Variants in HSD17B12 observed in about 807,000 individuals in gnomAD.
HSD17B12 encodes hydroxysteroid 17-beta dehydrogenase 12.
In HSD17B12, 32 loss-of-function variants were observed where a neutral mutation model predicts 39.3. The observed-to-expected ratio is 0.81, with a 90% CI of 0.61 to 1.09. HSD17B12 has a LOEUF of 1.09. Among genes scored for constraint, HSD17B12 ranks in the 50% least tolerant of loss-of-function variants. The probability of loss-of-function intolerance (pLI) is 0.00; values close to 1 mark genes in which losing one functional copy is unlikely to be tolerated. For synonymous variants in HSD17B12, 150 were observed against 146.7 expected, an observed-to-expected ratio of 1.02 and a Z score of -0.16; for missense variants, 342 against 382.9, an observed-to-expected ratio of 0.89 and a Z score of 0.89.
At chr11:43,724,904 A>G (rs1308430391) in intron 1 of HSD17B12, among the ~76,000 whole-genome samples, 1 of 152,124 alleles carries the variant, frequency 6.6e-6, no homozygotes, top group Non-Finnish European at 1.5e-5. Context: ...GAATATAGTA[A>G]TTTTTTAACA....
rs565751656 is a variant in HSD17B12, at chr11:43,758,473, A to C, written c.283+4352A>C. 2.0e-5 allele frequency among the ~76,000 whole-genome samples: 3 copies of C among 152,276 alleles called. No individual in the cohort carries two copies. In the South Asian group the frequency reaches 6.2e-4, roughly 32 times the overall value. On this transcript the variant is annotated intron_variant, in intron 3 of 10. Transcript: ENST00000278353. ...AAATCTCAGGGTCACACTTTTTCTC[A>C]TTCAGTGCTTTCAAATGAGACTAGG...
At chr11:43,760,837 T>A (rs1346395663) in intron 3 of HSD17B12, among the ~76,000 whole-genome samples, 2 of 152,208 alleles carry the variant, frequency 1.3e-5, no homozygotes, top group African/African-American at 4.8e-5. Flanking sequence ...AGAGAGTTAA[T>A]CTCATATAGC....
At chr11:43,774,183 A>G (rs916876365) in intron 3 of HSD17B12, among the ~76,000 whole-genome samples, 2 of 152,156 alleles carry the variant, frequency 1.3e-5, no homozygotes, top group African/African-American at 4.8e-5. Context: ...AAGAATTTTT[A>G]AAGAAAACCA....
chr11:43,816,483 T>G (rs1951124146), intron 6 of HSD17B12, 92 bp downstream of exon 6: 2 of 1,088,862 alleles, frequency 1.8e-6, no homozygotes, highest in Non-Finnish European at 2.5e-6. Context: ...GAGTCTACTC[T>G]TGTTTAGATG....
the HSD17B12 span, among the ~76,000 whole-genome samples, chr11:43,672,684 G>A: frequency 1.3e-5 from 2 of 152,034 alleles, no homozygotes; most frequent in Non-Finnish European, 2.9e-5. Context: ...GGGATTACAG[G>A]CGCCTGCCAC....
In HSD17B12 at chr11:43,855,144, G is replaced by T. The variant is rs1356800028; in HGVS notation, c.835G>T (p.Gly279Cys). Residue 279 changes from glycine (G) to cysteine (C), a missense_variant and splice_region_variant, in exon 11 of 11, where the codon GGC becomes TGC. By Grantham distance (159) the Gly-to-Cys change is radical. Transcript: ENST00000278353. ...TNGYLIHALMGSIISNLPSWI... is the reference protein window; with the variant it reads ...TNGYLIHALMCSIISNLPSWI... Reference sequence around the variant, plus strand: ...TATCTCTCTCATTCTGTTTCCCTAGGGCTCGATAATCTCAAACCTGCCTTC... The same window carrying T: ...TATCTCTCTCATTCTGTTTCCCTAGTGCTCGATAATCTCAAACCTGCCTTC... 6.3e-7 allele frequency: 1 copy of T among 1,587,994 alleles called. No homozygotes were observed. Among genetic ancestry groups the T allele is most frequent in the Non-Finnish European group, 8.6e-7 (1 of 1,159,872 alleles).
chr11:43,680,570 C>T, upstream of HSD17B12: 1 of 501,138 alleles, frequency 2.0e-6, no homozygotes, highest in South Asian at 2.2e-5. Context: ...TGGCGGAACC[C>T]CGGGGGACGC....
chr11:43,695,671 G>GTCT (rs10687930), intron 1 of HSD17B12, among the ~76,000 whole-genome samples: 58,836 of 149,540 alleles, frequency 0.39, 11,756 homozygotes, highest in African/African-American at 0.43. Flanking sequence ...GTTCTAATTA[G>GTCT]TCTTCTTCTT....
chr11:43,585,401 T>C, the HSD17B12 span, among the ~76,000 whole-genome samples: 1 of 152,160 alleles, frequency 6.6e-6, no homozygotes, highest in Admixed American at 6.5e-5. Context: ...TGCCTAATCC[T>C]TGGAGGTCAT....
the HSD17B12 span, among the ~76,000 whole-genome samples, chr11:43,649,914 G>T: frequency 6.6e-6 from 1 of 152,168 alleles, no homozygotes. Flanking sequence ...TGGAGGATGC[G>T]ACATCAAGTG....
chr11:43,601,317 T>TTG, the HSD17B12 span, among the ~76,000 whole-genome samples: 16 of 150,734 alleles, frequency 1.1e-4, no homozygotes, highest in South Asian at 2.1e-4. Flanking sequence ...CATGCTGCGT[T>TTG]TGTGTGTGTG....
chr11:43,677,427 A>C (rs1467704082), upstream of HSD17B12, among the ~76,000 whole-genome samples: 2 of 152,170 alleles, frequency 1.3e-5, no homozygotes, highest in East Asian at 1.9e-4. Context: ...AGTGTGAAGC[A>C]CTTTATTGTT....
At chr11:43,708,610 T>C (rs1950036952) in intron 1 of HSD17B12, among the ~76,000 whole-genome samples, 2 of 152,228 alleles carry the variant, frequency 1.3e-5, no homozygotes, top group Admixed American at 6.5e-5. Flanking sequence ...CATGGAGATG[T>C]CTTACTGGGA....
the HSD17B12 span, chr11:43,670,169 T>C: frequency 6.6e-6 from 1 of 152,140 alleles, no homozygotes; most frequent in African/African-American, 2.4e-5. Context: ...CATCCAGTCA[T>C]TGGATGTAGG....
chr11:43,703,693 A>G (rs1474604983), intron 1 of HSD17B12, among the ~76,000 whole-genome samples: 2 of 152,048 alleles, frequency 1.3e-5, no homozygotes. Flanking sequence ...AGATCTTCCA[A>G]TTTATTGGCA....
At chr11:43,754,565 G>C (rs1950493300) in intron 3 of HSD17B12, among the ~76,000 whole-genome samples, 2 of 152,160 alleles carry the variant, frequency 1.3e-5, no homozygotes, top group Non-Finnish European at 2.9e-5. Context: ...GACAGAGTGA[G>C]ACTCCATCTC....
At chr11:43,690,831 A>G (rs912653193) in intron 1 of HSD17B12, among the ~76,000 whole-genome samples, 5 of 152,078 alleles carry the variant, frequency 3.3e-5, no homozygotes, top group South Asian at 2.1e-4. Flanking sequence ...TATAGATTGG[A>G]AATACTGATT....
chr11:43,696,514 C>T (rs552616147), intron 1 of HSD17B12, among the ~76,000 whole-genome samples: 57 of 152,274 alleles, frequency 3.7e-4, no homozygotes, highest in Non-Finnish European at 6.5e-4. Context: ...AGTCAAGAAA[C>T]GATAGATGCT....
intron 3 of HSD17B12, among the ~76,000 whole-genome samples, chr11:43,780,226 C>T (rs573864154): frequency 1.5e-4 from 23 of 152,068 alleles, no homozygotes; most frequent in Non-Finnish European, 2.8e-4. Flanking sequence ...AGTGCAATGG[C>T]GTGTTCTCAG....
Sources: gnomAD v4.1 joint callset for allele counts (sites outside exome capture counted in the v4.1 genomes callset) on GRCh38, gnomAD v4.1.1 for gene constraint, MANE v1.5 for transcripts, NCBI Gene and HGNC (gene_info 2026-07-23, HGNC 2026-07-21) for gene names.